Variants in TTLL8 observed in about 807,000 individuals in gnomAD.
TTLL8 encodes tubulin tyrosine ligase like 8.
Under a neutral mutation model 77.8 loss-of-function variants are expected in TTLL8, and 65 were observed. The observed-to-expected ratio is 0.84, with a 90% CI of 0.68 to 1.03. The LOEUF (loss-of-function observed/expected upper bound fraction) is 1.03, where lower values mean the gene tolerates loss of function less well. Ranked by LOEUF, TTLL8 falls within the 50% of genes least tolerant of loss-of-function variation. The pLI, the probability that TTLL8 is intolerant of heterozygous loss-of-function variation, is 0.00. For synonymous variants in TTLL8, 402 were observed against 422.8 expected, an observed-to-expected ratio of 0.95 and a Z score of 0.60; for missense variants, 910 against 1,004.5, an observed-to-expected ratio of 0.91 and a Z score of 1.27.
upstream of TTLL8, among the ~76,000 whole-genome samples, chr22:50,057,205 T>C (rs2061476187): frequency 8.3e-6 from 1 of 120,078 alleles, no homozygotes; most frequent in Non-Finnish European, 1.7e-5. Context: ...AGGTCTGGAT[T>C]AGGGGTCAGC....
rs144263791 is a variant in TTLL8 at position 50,050,556 on chromosome 22, C to T, written c.52-309G>A. ...AGGAGACCACTACTACTCCTGCTGC[C>T]CTCCTCCCCCACCTTGCCTAGTTCA... On this transcript the variant is annotated intron_variant, in intron 1 of 13. Transcript: ENST00000266182. 2.6e-5 allele frequency among the ~76,000 whole-genome samples: 4 copies of T among 152,040 alleles called. No homozygotes were observed. In the East Asian group the frequency reaches 7.7e-4, roughly 29 times the overall value.
chr22:50,030,596 G>T, exon 12 of TTLL8: 1 of 1,298,692 alleles, frequency 7.7e-7, no homozygotes, highest in Non-Finnish European at 1.0e-6. Context: ...GACAGGGGCA[G>T]GCCGGGAGCT....
rs935906169 is a variant in TTLL8 at position 50,050,525 on chromosome 22, T to A, written c.52-278A>T. 5.3e-5 allele frequency among the ~76,000 whole-genome samples: 8 copies of A among 152,016 alleles called. No homozygotes were observed. The East Asian group carries it at 1.4e-3, about 26-fold the overall frequency. ...AGCTGGGATTACAGGTGCCTGCCACTAAGGAAGGAGACCACTACTACTCCT... is the reference window on the plus strand; with the variant it reads ...AGCTGGGATTACAGGTGCCTGCCACAAAGGAAGGAGACCACTACTACTCCT... On this transcript the variant is annotated intron_variant, in intron 1 of 13. Transcript: ENST00000266182.
exon 2 of TTLL8, chr22:50,050,220 G>C (rs781189000): frequency 7.4e-7 from 1 of 1,348,096 alleles, no homozygotes; most frequent in Admixed American, 2.0e-5. Flanking sequence ...ACCGGGTAGT[G>C]TCCGTAGATA....
chr22:50,033,219 G>T, exon 10 of TTLL8: 1 of 1,352,744 alleles, frequency 7.4e-7, no homozygotes, highest in East Asian at 4.7e-5. Flanking sequence ...GCTTGTCCAG[G>T]GAGAAGCGCT....
At chr22:50,031,557 C>A in intron 11 of TTLL8, 129 bp downstream of exon 12, 3 of 1,186,232 alleles carry the variant, frequency 2.5e-6, no homozygotes, top group Non-Finnish European at 3.2e-6. Context: ...GGTCACAGAG[C>A]AGGATCGGTG....
upstream of TTLL8, among the ~76,000 whole-genome samples, chr22:50,054,852 G>A (rs549558519): frequency 1.3e-5 from 2 of 152,350 alleles, no homozygotes; most frequent in South Asian, 4.1e-4. Flanking sequence ...GAGGTCAGGA[G>A]TTCGAGACCA....
At chr22:50,049,947 G>C (rs1206939501) in intron 2 of TTLL8, 162 bp downstream of exon 4, 1 of 723,508 alleles carries the variant, frequency 1.4e-6, no homozygotes, top group Non-Finnish European at 1.7e-6. Flanking sequence ...CGACCGCCTG[G>C]GGCAGGGAGG....
chr22:50,055,687 T>C (rs1019299373), upstream of TTLL8, among the ~76,000 whole-genome samples: 1 of 149,016 alleles, frequency 6.7e-6, no homozygotes, highest in Non-Finnish European at 1.5e-5. Flanking sequence ...ATTCGTCTGA[T>C]GAGGCTGACA....
At chr22:50,036,641 C>A (rs1197725805) in intron 8 of TTLL8, among the ~76,000 whole-genome samples, 1 of 151,592 alleles carries the variant, frequency 6.6e-6, no homozygotes, top group African/African-American at 2.4e-5. Context: ...ACTCTGTCAC[C>A]CAGGCTTGAG....
exon 12 of TTLL8, chr22:50,030,726 C>T (rs1275029430): frequency 7.6e-7 from 1 of 1,316,230 alleles, no homozygotes; most frequent in Non-Finnish European, 1.0e-6. Flanking sequence ...TCCCAAGTCC[C>T]GCTGGAGAGC....
At chr22:50,037,744 A>G (rs972206261) in intron 8 of TTLL8, among the ~76,000 whole-genome samples, 35 of 152,338 alleles carry the variant, frequency 2.3e-4, no homozygotes, top group African/African-American at 7.7e-4. Context: ...TCCTATCCCA[A>G]TATCACATCT....
chr22:50,054,561 G>T (rs2061460823), intron 1 of TTLL8: 2 of 234,360 alleles, frequency 8.5e-6, no homozygotes, highest in African/African-American at 2.3e-5. Flanking sequence ...GGGAGCTGGG[G>T]TGTGGGGAAC....
intron 1 of TTLL8, among the ~76,000 whole-genome samples, chr22:50,054,059 C>T (rs534127768): frequency 6.6e-6 from 1 of 150,704 alleles, no homozygotes; most frequent in South Asian, 2.1e-4. Context: ...TGGCCATAAC[C>T]TCACCATGCC....
At chr22:50,028,407 C>T (rs942208076) in intron 12 of TTLL8, among the ~76,000 whole-genome samples, 3 of 152,220 alleles carry the variant, frequency 2.0e-5, no homozygotes, top group Non-Finnish European at 2.9e-5. Context: ...CACTGGCCTT[C>T]CTGAGTGATC....
At chr22:50,028,853 C>A (rs13058546) in intron 12 of TTLL8, among the ~76,000 whole-genome samples, 6 of 13,282 alleles carry the variant, frequency 4.5e-4, no homozygotes, top group South Asian at 0.011. Flanking sequence ...CCCCACATAC[C>A]CTCGTAAAGA....
At chr22:50,049,826 C>T (rs1004136548) in intron 2 of TTLL8, among the ~76,000 whole-genome samples, 5 of 152,006 alleles carry the variant, frequency 3.3e-5, no homozygotes, top group African/African-American at 7.2e-5. Context: ...CAGCTGAGGC[C>T]GGGCGGAGAG....
At chr22:50,043,525 C>T (rs1044042651) in intron 6 of TTLL8, among the ~76,000 whole-genome samples, 8 of 140,274 alleles carry the variant, frequency 5.7e-5, no homozygotes, top group Admixed American at 4.2e-4. Flanking sequence ...ACAGTGGTAC[C>T]GAGACACCCT....
At chr22:50,055,198 T>C, upstream of TTLL8, 1 of 1,278,626 alleles carries the variant, frequency 7.8e-7, no homozygotes, top group Non-Finnish European at 1.0e-6. Flanking sequence ...TTTAAAAAAG[T>C]GTCCCCCTCC....
Sources: allele counts gnomAD v4.1 joint callset (sites outside exome capture counted in the v4.1 genomes callset), GRCh38; gene constraint gnomAD v4.1.1; transcripts MANE v1.5; gene names NCBI Gene and HGNC (gene_info 2026-07-23, HGNC 2026-07-21).